Variants in ZBTB7C observed in about 807,000 individuals in gnomAD.
The protein encoded by ZBTB7C is zinc finger and BTB domain containing 7C, also known as zinc finger and BTB domain-containing protein 7C.
ZBTB7C carries 8 observed loss-of-function variants against 25.7 expected under a neutral mutation model. That is an observed-to-expected ratio of 0.31 (90% CI 0.18 to 0.56). The LOEUF is 0.56. Among genes scored for constraint, ZBTB7C ranks in the 20% least tolerant of loss-of-function variants. The probability of loss-of-function intolerance (pLI) is 0.91; values close to 1 mark genes in which losing one functional copy is unlikely to be tolerated. For missense variants in ZBTB7C, 824 were observed against 855.2 expected, an observed-to-expected ratio of 0.96 and a Z score of 0.46; for synonymous variants, 394 against 369.0, an observed-to-expected ratio of 1.07 and a Z score of -0.78.
chr18:48,254,363 T>C (rs567187499), intron 2 of ZBTB7C, among the ~76,000 whole-genome samples: 1 of 152,356 alleles, frequency 6.6e-6, no homozygotes, highest in South Asian at 2.1e-4. Flanking sequence ...GAAAGCCCAT[T>C]TGCATAATAA....
chr18:48,345,622 G>A (rs1214185734), intron 1 of ZBTB7C, among the ~76,000 whole-genome samples: 2 of 152,102 alleles, frequency 1.3e-5, no homozygotes, highest in Non-Finnish European at 2.9e-5. Flanking sequence ...GTATATTTCT[G>A]TCTCTTCAGC....
rs752717037 is a variant in ZBTB7C, at chr18:48,040,616, G to T, written c.492C>A (p.Asp164Glu). Reference sequence around the variant, plus strand: ...CAGCAAAGTCCTCCGTGTCATCATCGTCATCCTCCTCCTCTTCCTCCTCCT... The same window carrying T: ...CAGCAAAGTCCTCCGTGTCATCATCTTCATCCTCCTCCTCTTCCTCCTCCT... ...EEEEEEEEED[D>E]DDDTEDFADQ... The change falls in exon 4 of 5, where the codon GAC (aspartate) becomes GAA (glutamate). Residue 164 changes from aspartate (D) to glutamate (E), a missense_variant. Asp to Glu is a conservative substitution (Grantham distance 45, BLOSUM62 2). Around this residue, in one of 4 missense-constraint regions of ZBTB7C, gnomAD observed 316 missense variants for 299.2 expected, o/e 1.06. Coordinates refer to ENST00000590800, the MANE Select transcript of ZBTB7C (RefSeq NM_001318841.2). The T allele has an allele frequency of 2.5e-6, 4 of 1,613,458 alleles. No individual in the cohort carries two copies. In the African/African-American group the frequency reaches 5.3e-5, roughly 22 times the overall value.
intron 2 of ZBTB7C, among the ~76,000 whole-genome samples, chr18:48,320,109 G>C (rs528739242): frequency 6.6e-6 from 1 of 151,350 alleles, no homozygotes. Context: ...GGCAGAGAAG[G>C]CTTCACCGAG....
At chr18:48,214,232 C>G (rs1468880248) in intron 2 of ZBTB7C, among the ~76,000 whole-genome samples, 1 of 152,182 alleles carries the variant, frequency 6.6e-6, no homozygotes, top group Non-Finnish European at 1.5e-5. Flanking sequence ...CCCCACCATC[C>G]ACCTCCAGAA....
chr18:48,334,205 C>T (rs1285800837), intron 2 of ZBTB7C, among the ~76,000 whole-genome samples: 1 of 152,090 alleles, frequency 6.6e-6, no homozygotes, highest in South Asian at 2.1e-4. Flanking sequence ...CTAGAGACCC[C>T]CCACACACAA....
chr18:48,043,026 A>G (rs960013542), intron 3 of ZBTB7C, among the ~76,000 whole-genome samples: 2 of 151,930 alleles, frequency 1.3e-5, no homozygotes, highest in African/African-American at 2.4e-5. Flanking sequence ...AATTAAAACT[A>G]TCATAAGACA....
At chr18:48,379,808 G>A (rs2145202152) in intron 1 of ZBTB7C, among the ~76,000 whole-genome samples, 1 of 152,214 alleles carries the variant, frequency 6.6e-6, no homozygotes, top group Middle Eastern at 3.4e-3. Context: ...ATTAAGAAAT[G>A]GATAAAGATC....
intron 2 of ZBTB7C, among the ~76,000 whole-genome samples, chr18:48,332,405 A>G (rs1336949373): frequency 2.0e-5 from 3 of 152,130 alleles, no homozygotes; most frequent in Non-Finnish European, 4.4e-5. Flanking sequence ...TCCCTTTCAC[A>G]TGGCAGCTGG....
intron 3 of ZBTB7C, among the ~76,000 whole-genome samples, chr18:48,120,015 G>A (rs2039576480): frequency 6.6e-6 from 1 of 152,058 alleles, no homozygotes; most frequent in Non-Finnish European, 1.5e-5. Context: ...ACAACCCCAG[G>A]GATTTTGATT....
chr18:48,226,575 A>G (rs1239449776), intron 2 of ZBTB7C, among the ~76,000 whole-genome samples: 1 of 152,196 alleles, frequency 6.6e-6, no homozygotes, highest in East Asian at 1.9e-4. Flanking sequence ...CACTGCAAGC[A>G]CCTGGGGGTA....
intron 1 of ZBTB7C, among the ~76,000 whole-genome samples, chr18:48,354,115 T>A (rs1370149475): frequency 1.3e-5 from 2 of 152,208 alleles, no homozygotes; most frequent in African/African-American, 4.8e-5. Flanking sequence ...AATACACCTG[T>A]AATTCACATC....
chr18:48,276,022 C>T (rs184999444), intron 2 of ZBTB7C, among the ~76,000 whole-genome samples: 30 of 152,186 alleles, frequency 2.0e-4, no homozygotes, highest in Admixed American at 1.4e-3. Context: ...GAAAGGCTGA[C>T]GGGATTTGAG....
intron 2 of ZBTB7C, among the ~76,000 whole-genome samples, chr18:48,222,812 C>A (rs1222418172): frequency 6.6e-6 from 1 of 152,114 alleles, no homozygotes; most frequent in Non-Finnish European, 1.5e-5. Context: ...ATCACTCCAC[C>A]AGACCTGCAG....
intron 2 of ZBTB7C, among the ~76,000 whole-genome samples, chr18:48,226,741 C>T (rs972162249): frequency 6.6e-6 from 1 of 152,180 alleles, no homozygotes; most frequent in Non-Finnish European, 1.5e-5. Flanking sequence ...AGGTATTCGA[C>T]TGGGTGCAGT....
chr18:48,212,328 G>C (rs1003920245), intron 2 of ZBTB7C, among the ~76,000 whole-genome samples: 1 of 152,200 alleles, frequency 6.6e-6, no homozygotes, highest in African/African-American at 2.4e-5. Flanking sequence ...CCAGGGGTTG[G>C]GGGGAGGAAT....
chr18:48,389,608 C>T (rs968709272), intron 1 of ZBTB7C, among the ~76,000 whole-genome samples: 4 of 151,880 alleles, frequency 2.6e-5, no homozygotes, highest in Non-Finnish European at 5.9e-5. Flanking sequence ...CCAGGGTATA[C>T]TCATAGCCTC....
intron 1 of ZBTB7C, among the ~76,000 whole-genome samples, chr18:48,365,453 T>C (rs1289546066): frequency 2.6e-5 from 4 of 152,230 alleles, no homozygotes; most frequent in Non-Finnish European, 5.9e-5. Flanking sequence ...TAAGACTCTG[T>C]CTGGCTAGTA....
chr18:48,375,679 A>G (rs1290231513), intron 1 of ZBTB7C: 1 of 152,252 alleles, frequency 6.6e-6, no homozygotes, highest in Admixed American at 6.5e-5. Context: ...TGGGCAAGTT[A>G]TTTAACCACA....
At chr18:48,323,446 G>A (rs1180780621) in intron 2 of ZBTB7C, among the ~76,000 whole-genome samples, 1 of 152,180 alleles carries the variant, frequency 6.6e-6, no homozygotes, top group African/African-American at 2.4e-5. Context: ...TTGCTCAGGA[G>A]CACACAACAA....
Sources: allele counts gnomAD v4.1 joint callset (sites outside exome capture counted in the v4.1 genomes callset), GRCh38; gene constraint gnomAD v4.1.1; regional missense constraint gnomAD v4.1.1; transcripts MANE v1.5; gene names NCBI Gene and HGNC (gene_info 2026-07-23, HGNC 2026-07-21).